The following MTOR variants were observed in gnomAD, a reference collection of about 807,000 sequenced individuals.
MTOR encodes the protein mechanistic target of rapamycin kinase.
In MTOR, 70 loss-of-function variants were observed where a neutral mutation model predicts 319.8. That is an observed-to-expected ratio of 0.22 (90% CI 0.18 to 0.27). MTOR has a LOEUF of 0.27. Ranked by LOEUF, MTOR falls within the 10% of genes least tolerant of loss-of-function variation. The pLI, the probability that MTOR is intolerant of heterozygous loss-of-function variation, is 1.00. For synonymous variants in MTOR, 1,183 were observed against 1,211.4 expected (o/e 0.98, Z 0.49); for missense variants, 1,890 against 3,274.4 (o/e 0.58, Z 10.32).
chr1:11,251,510 A>C (rs1371268949), intron 6 of MTOR, among the ~76,000 whole-genome samples: 3 of 152,158 alleles, frequency 2.0e-5, no homozygotes, highest in African/African-American at 7.2e-5. Context: ...ATCTTCCCTT[A>C]TAAGAATGGA....
At chr1:11,238,718 C>A in intron 11 of MTOR, 101 bp from the exon 12 acceptor site, 4 of 929,700 alleles carry the variant, frequency 4.3e-6, no homozygotes, top group Non-Finnish European at 6.5e-6. Flanking sequence ...GCTACTAATT[C>A]TACTTTCAAC....
chr1:11,209,136 A>C (rs1646233220), intron 25 of MTOR, among the ~76,000 whole-genome samples, 176 bp downstream of exon 25: 1 of 152,250 alleles, frequency 6.6e-6, no homozygotes, highest in Non-Finnish European at 1.5e-5. Flanking sequence ...TATTCAAAAC[A>C]AAATTACAAT....
At chr1:11,258,686 G>A (rs1279551401) in intron 2 of MTOR, 93 bp from the exon 3 acceptor site, 5 of 894,378 alleles carry the variant, frequency 5.6e-6, no homozygotes, top group Non-Finnish European at 8.8e-6. Context: ...ATCCTGAGAG[G>A]CAGGAGGTAT....
chr1:11,234,346 G>A (rs913835007), intron 13 of MTOR, 81 bp from the exon 14 acceptor site: 20 of 1,490,732 alleles, frequency 1.3e-5, no homozygotes, highest in Non-Finnish European at 1.4e-5. Flanking sequence ...AAAAGTGGCA[G>A]GGAACTGGGG....
chr1:11,196,450 T>C (rs1645786430), intron 28 of MTOR, among the ~76,000 whole-genome samples: 1 of 152,186 alleles, frequency 6.6e-6, no homozygotes, highest in Non-Finnish European at 1.5e-5. Flanking sequence ...TCGGATTTAA[T>C]TTGCCCTGTA....
In MTOR at chr1:11,238,590, T is replaced by C; in HGVS notation, c.1814A>G (p.His605Arg). The C allele has an allele frequency of 6.2e-7, 1 of 1,613,052 alleles. No individual in the cohort carries two copies. The highest frequency in any genetic ancestry group is 8.5e-7 in the Non-Finnish European group (1 of 1,179,120). ...EGHSLTQFVR[H>R]CADHFLNSEH... ...ACTGTTCAGGAAATGATCCGCACAG[T>C]GGCGAACAAATTGGGTCAGAGAGTG... is the stretch of plus-strand genomic sequence containing the variant. The change falls in exon 12 of 58, where the codon CAC becomes CGC. Residue 605 changes from histidine to arginine, a missense_variant. By Grantham distance (29) the His-to-Arg change is conservative (BLOSUM62 0). Transcript: ENST00000361445.
Position 11,128,504 on chromosome 1 carries a change from C to G in MTOR, c.5860G>C (p.Gly1954Arg). Residue 1954 changes from glycine to arginine, a missense_variant, in exon 42 of 58, where the codon GGA becomes CGA. Gly to Arg is a moderately radical substitution (Grantham distance 125, BLOSUM62 -2). Transcript: ENST00000361445. The surrounding 1 kb of genome is among the most constrained non-coding windows in gnomAD (Gnocchi z 5.3). ...ARIDTPRPLVGRLIHQLLTDI... is the reference protein window; with the variant it reads ...ARIDTPRPLVRRLIHQLLTDI... ...GTGAGAAGCTGGTGAATGAGACGTC[C>G]CACCAAGGGTCTGGGCGTATCAATT... The G allele has an allele frequency of 6.2e-7, 1 of 1,614,174 alleles. No homozygotes were observed. Among genetic ancestry groups the G allele is most frequent in the Non-Finnish European group, 8.5e-7 (1 of 1,180,030 alleles).
At chr1:11,233,565 C>T (rs1371400957) in intron 14 of MTOR, 78 bp from the exon 15 acceptor site, 1 of 1,071,654 alleles carries the variant, frequency 9.3e-7, no homozygotes, top group South Asian at 1.3e-5. Context: ...GTAAAATTCA[C>T]CCAAGAGACC....
rs2100479153 is a variant in MTOR at position 11,139,616 on chromosome 1, C to G, written c.4915G>C (p.Val1639Leu). The stretch of plus-strand genomic sequence containing the variant: ...TGAGGGCTGACCACAAGGGACCGCA[C>G]CATAAGGATTTTCTGCCAGTCCTCT... The part of the protein sequence containing the change: ...IVEDWQKILM[V>L]RSLVVSPHED... The change falls in exon 35 of 58, where the codon GTG becomes CTG. Residue 1639 changes from valine (V) to leucine (L), a missense_variant. Coordinates refer to ENST00000361445, the MANE Select transcript of MTOR (RefSeq NM_004958.4). 1 of 1,614,184 alleles carries G rather than the reference C, an allele frequency of 6.2e-7. No individual in the cohort carries two copies. Among genetic ancestry groups the G allele is most frequent in the East Asian group, 2.2e-5 (1 of 44,886 alleles).
rs1223259327 is a variant in MTOR at position 11,118,824 on chromosome 1, C to T, written c.6934-1738G>A. 3.9e-5 allele frequency among the ~76,000 whole-genome samples: 6 copies of T among 151,988 alleles called. No homozygotes were observed. In the South Asian group the frequency reaches 6.2e-4, roughly 16 times the overall value. ...TATTTTTTGTAGAGATGGGGTTTTG[C>T]GACGCTGCCCAGGCTGGTCTCAAAC... is the stretch of plus-strand genomic sequence containing the variant. On this transcript the variant is annotated intron_variant, in intron 49 of 57. Coordinates refer to ENST00000361445, the MANE Select transcript of MTOR (RefSeq NM_004958.4).
chr1:11,252,400 G>A (rs570601880), intron 6 of MTOR, among the ~76,000 whole-genome samples: 6 of 152,108 alleles, frequency 3.9e-5, no homozygotes, highest in Admixed American at 3.3e-4. Context: ...GCCTCCCAAA[G>A]TGCTGAAATT....
At chr1:11,249,960 G>A (rs1197971171) in intron 6 of MTOR, among the ~76,000 whole-genome samples, 6 of 150,568 alleles carry the variant, frequency 4.0e-5, no homozygotes, top group African/African-American at 9.7e-5. Flanking sequence ...GGTGGTGGCC[G>A]GGCAGAGGGG....
chr1:11,142,276 A>G (rs1157924532), intron 34 of MTOR, among the ~76,000 whole-genome samples: 1 of 151,810 alleles, frequency 6.6e-6, no homozygotes, highest in Non-Finnish European at 1.5e-5. Flanking sequence ...GAACTTTGGG[A>G]GCAGAAGCAG....
intron 54 of MTOR, chr1:11,111,002 G>A (rs1570898831): frequency 1.0e-5 from 4 of 401,178 alleles, no homozygotes; most frequent in Admixed American, 8.4e-5. Context: ...AGCACACTTC[G>A]TTTGAGACCA....
At chr1:11,194,894 T>C (rs1426804133) in intron 28 of MTOR, 10 of 1,614,106 alleles carry the variant, frequency 6.2e-6, no homozygotes, top group South Asian at 3.3e-5. Flanking sequence ...CCAACCTCAA[T>C]GGAGTGTACT....
intron 34 of MTOR, among the ~76,000 whole-genome samples, chr1:11,142,497 T>G (rs892202262): frequency 1.3e-5 from 2 of 151,924 alleles, no homozygotes. Context: ...GGTTTCTCTA[T>G]GTTGGCCAGG....
In MTOR at chr1:11,121,926, C is replaced by G. The variant is rs1043493213; in HGVS notation, c.6810+53G>C. 1 of 1,603,160 alleles carries G rather than the reference C, an allele frequency of 6.2e-7. No individual in the cohort carries two copies. Among genetic ancestry groups the G allele is most frequent in the Non-Finnish European group, 8.5e-7 (1 of 1,173,228 alleles). ...GAGAGGAATGAGAAAAGCAGCGCTA[C>G]GGAGATTCCCTGCCACGGAAGGGGC... is the stretch of plus-strand genomic sequence containing the variant. On this transcript the variant is annotated intron_variant, in intron 48 of 57. Transcript: ENST00000361445. This position sits in a 1 kb window ranked among gnomAD's most constrained non-coding sequence, Gnocchi z 4.9.
intron 11 of MTOR, among the ~76,000 whole-genome samples, chr1:11,239,902 CA>C (rs36052220): frequency 0.57 from 69,294 of 121,788 alleles, 20,554 homozygotes; most frequent in East Asian, 0.77. Context: ...GACTTTGTCT[CA>C]AAAAAAAAAA....
At chr1:11,221,846 T>C (rs981392277) in intron 19 of MTOR, among the ~76,000 whole-genome samples, 4 of 150,658 alleles carry the variant, frequency 2.7e-5, no homozygotes, top group Admixed American at 2.7e-4. Flanking sequence ...AAATGACCAA[T>C]ATTAGTATTA....
Sources: gnomAD v4.1 joint callset for allele counts (sites outside exome capture counted in the v4.1 genomes callset) on GRCh38, gnomAD v4.1.1 for gene constraint, Gnocchi (gnomAD v3.1) non-coding constraint, MANE v1.5 for transcripts, NCBI Gene and HGNC (gene_info 2026-07-23, HGNC 2026-07-21) for gene names.